Variants in MYO3A observed in about 807,000 individuals in gnomAD.
MYO3A encodes the protein myosin-IIIa.
A neutral mutation model predicts 192.7 loss-of-function variants in MYO3A; 180 were observed. The observed-to-expected ratio is 0.93, with a 90% CI of 0.83 to 1.06. MYO3A has a LOEUF of 1.06. Among genes scored for constraint, MYO3A ranks in the 50% least tolerant of loss-of-function variants. The pLI is 0.00. For missense variants in MYO3A, 1,896 were observed against 1,905.0 expected (o/e 1.00, Z 0.09); for synonymous variants, 628 against 645.3 (o/e 0.97, Z 0.41).
intron 30 of MYO3A, among the ~76,000 whole-genome samples, chr10:26,175,164 C>T (rs993172443): frequency 2.6e-5 from 4 of 152,174 alleles, no homozygotes; most frequent in African/African-American, 7.2e-5. Flanking sequence ...GCATAGGAAG[C>T]AACAGGTTTT....
intron 10 of MYO3A, among the ~76,000 whole-genome samples, chr10:26,051,500 T>G (rs17738907): frequency 0.16 from 24,202 of 149,344 alleles, 2,261 homozygotes; most frequent in Non-Finnish European, 0.21. Context: ...TTAAAATAGT[T>G]TCACTCTCCC....
intron 4 of MYO3A, among the ~76,000 whole-genome samples, chr10:25,984,273 A>G: frequency 6.6e-6 from 1 of 152,244 alleles, no homozygotes; most frequent in East Asian, 1.9e-4. Context: ...CAATACTAGC[A>G]TTGAATATAA....
intron 14 of MYO3A, among the ~76,000 whole-genome samples, chr10:26,074,466 G>A (rs191307632): frequency 1.3e-5 from 2 of 151,690 alleles, no homozygotes; most frequent in East Asian, 3.9e-4. Context: ...TCCTCATGCA[G>A]TTTGGTCTAC....
At chr10:25,973,764 C>T (rs915607800) in intron 4 of MYO3A, among the ~76,000 whole-genome samples, 2 of 152,094 alleles carry the variant, frequency 1.3e-5, no homozygotes, top group Non-Finnish European at 2.9e-5. Context: ...TGGAACAGAA[C>T]AGACACCTAA....
At position 25,958,798 on chromosome 10, in the gene MYO3A, T is replaced by A. The variant is rs192547461; in HGVS notation, c.303+3790T>A. Among the ~76,000 whole-genome samples, 1,004 of 152,218 alleles carry A rather than the reference T, an allele frequency of 6.6e-3. 5 individuals carry two copies. Among genetic ancestry groups the A allele is most frequent in the Non-Finnish European group, 9.0e-3 (610 of 68,006 alleles). On this transcript the variant is annotated intron_variant, in intron 4 of 34. Transcript: ENST00000642920. Reference sequence around the variant, plus strand: ...TTTTGCAGTTTTCATTGTGGAGATCTTTCACCTCCCTGGTTAGCTGTATTC... The same window carrying A: ...TTTTGCAGTTTTCATTGTGGAGATCATTCACCTCCCTGGTTAGCTGTATTC...
At chr10:26,017,086 A>G (rs999809856) in intron 7 of MYO3A, among the ~76,000 whole-genome samples, 190 bp downstream of exon 7, 1 of 152,252 alleles carries the variant, frequency 6.6e-6, no homozygotes, top group African/African-American at 2.4e-5. Flanking sequence ...GCTGTGAATG[A>G]ACACGAGTCA....
chr10:26,210,367 C>G (rs947360197), intron 34 of MYO3A, among the ~76,000 whole-genome samples: 1 of 152,194 alleles, frequency 6.6e-6, no homozygotes, highest in Non-Finnish European at 1.5e-5. Context: ...ACAGTTCCAT[C>G]CTTCCAGTTT....
In MYO3A at chr10:26,143,516, T is replaced by C. The variant is rs775141112; in HGVS notation, c.2331T>C (p.Asp777=). The change falls in exon 21 of 35, where the codon GAT becomes GAC. Residue 777 remains aspartate, a synonymous_variant. Transcript: ENST00000642920. ...IEYEDNWPLL[D]MFLQKPMGLL... ...ATGAGGATAACTGGCCCCTCTTAGATATGTTTCTGCAAAAGCCAATGGGTT... is the reference window on the plus strand; with the variant it reads ...ATGAGGATAACTGGCCCCTCTTAGACATGTTTCTGCAAAAGCCAATGGGTT... The C allele has an allele frequency of 6.8e-6, 11 of 1,613,792 alleles. No homozygotes were observed. The East Asian group carries it at 2.2e-4, about 33-fold the overall frequency.
intron 31 of MYO3A, among the ~76,000 whole-genome samples, chr10:26,192,028 T>C (rs1251751814): frequency 6.6e-6 from 1 of 152,204 alleles, no homozygotes; most frequent in Non-Finnish European, 1.5e-5. Flanking sequence ...TATCCTGATC[T>C]ATCTGTCGAG....
At chr10:26,048,113 G>C (rs1288956556) in intron 10 of MYO3A, among the ~76,000 whole-genome samples, 3 of 152,168 alleles carry the variant, frequency 2.0e-5, no homozygotes, top group African/African-American at 7.2e-5. Flanking sequence ...AAGGACAGTA[G>C]TGTAGTTTTA....
At chr10:26,163,614 A>G (rs1374779007) in intron 26 of MYO3A, among the ~76,000 whole-genome samples, 1 of 152,202 alleles carries the variant, frequency 6.6e-6, no homozygotes, top group Non-Finnish European at 1.5e-5. Context: ...CACCTTTTAA[A>G]AAGTGGTAAT....
intron 10 of MYO3A, among the ~76,000 whole-genome samples, chr10:26,032,590 C>G (rs12571378): frequency 6.6e-6 from 1 of 150,920 alleles, no homozygotes; most frequent in African/African-American, 2.4e-5. Context: ...CACTCCAGCC[C>G]GGGCGACAGT....
chr10:26,116,298 T>C (rs1336957215), intron 17 of MYO3A, among the ~76,000 whole-genome samples: 1 of 152,154 alleles, frequency 6.6e-6, no homozygotes, highest in African/African-American at 2.4e-5. Flanking sequence ...CCAGTAATGA[T>C]TGGTATTCTT....
intron 4 of MYO3A, among the ~76,000 whole-genome samples, chr10:25,981,679 G>T (rs1839337981): frequency 6.6e-6 from 1 of 152,052 alleles, no homozygotes; most frequent in Non-Finnish European, 1.5e-5. Flanking sequence ...ATGAAAAGAT[G>T]GTCAATGTTA....
intron 17 of MYO3A, 88 bp from the exon 18 acceptor site, chr10:26,120,588 G>T: frequency 1.3e-6 from 2 of 1,566,126 alleles, no homozygotes; most frequent in Non-Finnish European, 8.7e-7. Context: ...GGGCCTGAGG[G>T]TTCTCTTCCA....
chr10:26,117,757 G>A (rs1023872726), intron 17 of MYO3A, among the ~76,000 whole-genome samples: 2 of 152,130 alleles, frequency 1.3e-5, no homozygotes, highest in Admixed American at 1.3e-4. Context: ...GGGCATTTAG[G>A]TTGATTCCAT....
chr10:26,070,623 G>A (rs1165773706), intron 14 of MYO3A, among the ~76,000 whole-genome samples: 3 of 151,976 alleles, frequency 2.0e-5, no homozygotes, highest in African/African-American at 7.2e-5. Context: ...ATTAGGCAAG[G>A]CTTATAAAGG....
At chr10:26,073,307 C>T (rs2131405438) in intron 14 of MYO3A, among the ~76,000 whole-genome samples, 1 of 152,280 alleles carries the variant, frequency 6.6e-6, no homozygotes, top group Non-Finnish European at 1.5e-5. Flanking sequence ...AGTGGTGGCT[C>T]ATGCCTGTAA....
At chr10:26,034,271 G>T (rs911248355) in intron 10 of MYO3A, among the ~76,000 whole-genome samples, 1 of 152,136 alleles carries the variant, frequency 6.6e-6, no homozygotes, top group African/African-American at 2.4e-5. Context: ...ATCTCTAAAT[G>T]TGCTTAATTG....
Sources: allele counts gnomAD v4.1 joint callset (sites outside exome capture counted in the v4.1 genomes callset), GRCh38; gene constraint gnomAD v4.1.1; transcripts MANE v1.5; gene names NCBI Gene and HGNC (gene_info 2026-07-23, HGNC 2026-07-21).